Variants in GFUS observed in about 807,000 individuals in gnomAD.
GFUS encodes the protein 3-5 epimerase/4-reductase.
In GFUS, 42 loss-of-function variants were observed where a neutral mutation model predicts 41.5. The observed-to-expected ratio is 1.01, with a 90% CI of 0.79 to 1.31. The LOEUF (loss-of-function observed/expected upper bound fraction) is 1.31, where lower values mean the gene tolerates loss of function less well. Among genes scored for constraint, GFUS ranks in the 50% most tolerant of loss-of-function variants. The pLI is 0.00. For missense variants in GFUS, 437 were observed against 428.7 expected (o/e 1.02, Z -0.17); for synonymous variants, 188 against 173.4 (o/e 1.08, Z -0.66).
At position 143,614,929 on chromosome 8, in the gene GFUS, G is replaced by A. The variant is rs375695968; in HGVS notation, c.262-14C>T. Reference sequence around the variant, plus strand: ...CACGTTTTTCCTCTGCAGGGGTGAGGCGGGGACAGTTCAGGCTCCCCAGGC... The same window carrying A: ...CACGTTTTTCCTCTGCAGGGGTGAGACGGGGACAGTTCAGGCTCCCCAGGC... On this transcript the variant is annotated splice_polypyrimidine_tract_variant and intron_variant, in intron 3 of 10. Transcript: ENST00000425753. 7 of 1,591,204 alleles carry A rather than the reference G, an allele frequency of 4.4e-6. No individual in the cohort carries two copies. In the African/African-American group the frequency reaches 8.0e-5, roughly 18 times the overall value.
intron 7 of GFUS, 59 bp from the exon 8 acceptor site, chr8:143,613,876 C>T (rs1285878516): frequency 4.6e-6 from 7 of 1,526,676 alleles, no homozygotes; most frequent in Non-Finnish European, 5.3e-6. Flanking sequence ...CTCCCAAACG[C>T]CCCTGCTGGG....
rs1161109024 is a variant in GFUS, at chr8:143,614,791, G to T, written c.386C>A (p.Thr129Asn). The T allele has an allele frequency of 6.2e-7, 1 of 1,613,668 alleles. No homozygotes were observed. The highest frequency in any genetic ancestry group is 1.7e-5 in the Admixed American group (1 of 60,024). ...PDKTTYPIDE[T>N]MIHNGPPHNS... Reference sequence around the variant, plus strand: ...CAGCCAGGCCCTGCCCCTCACCATGGTCTCATCTATCGGGTAGGTCGTCTT... The same window carrying T: ...CAGCCAGGCCCTGCCCCTCACCATGTTCTCATCTATCGGGTAGGTCGTCTT... The change falls in exon 4 of 11, where the codon ACC becomes AAC. Residue 129 changes from threonine (T) to asparagine (N), a missense_variant. Thr to Asn is a moderately conservative substitution (Grantham distance 65, BLOSUM62 0). Transcript: ENST00000425753.
At position 143,614,800 on chromosome 8, in the gene GFUS, A is replaced by G. The variant is rs533181475; in HGVS notation, c.377T>C (p.Ile126Thr). ...CIFPDKTTYP[I>T]DETMIHNGPP... ...CCTGCCCCTCACCATGGTCTCATCT[A>G]TCGGGTAGGTCGTCTTGTCAGGGAA... Residue 126 changes from isoleucine (I) to threonine (T), a missense_variant, in exon 4 of 11, where the codon ATA (isoleucine) becomes ACA (threonine). Transcript: ENST00000425753. The G allele has an allele frequency of 1.8e-5, 29 of 1,613,516 alleles. No homozygotes were observed. Among genetic ancestry groups the G allele is most frequent in the Middle Eastern group, 3.3e-4 (2 of 6,062 alleles).
In GFUS at chr8:143,613,347, C is replaced by T. The variant is rs367952261; in HGVS notation, c.811-52G>A. 273 of 1,574,084 alleles carry T rather than the reference C, an allele frequency of 1.7e-4. No individual in the cohort carries two copies. The African/African-American group carries it at 3.1e-3, about 18-fold the overall frequency. Reference sequence around the variant, plus strand: ...AGAAGAGCACCTCCACCCCAGCCCCCGCAGCTTGCCCTTGAACCTCTGCCA... The same window carrying T: ...AGAAGAGCACCTCCACCCCAGCCCCTGCAGCTTGCCCTTGAACCTCTGCCA... On this transcript the variant is annotated intron_variant, in intron 9 of 10. Coordinates refer to ENST00000425753, the MANE Select transcript of GFUS (RefSeq NM_003313.4).
At chr8:143,614,552 G>A (rs2131414185) in intron 5 of GFUS, 72 bp downstream of exon 5, 2 of 1,557,478 alleles carry the variant, frequency 1.3e-6, no homozygotes, top group South Asian at 2.4e-5. Flanking sequence ...GACCCGACCA[G>A]CCGGCCCCAC....
Position 143,614,206 on chromosome 8 carries a change from C to G in GFUS, c.621G>C (p.Val207=), listed in dbSNP as rs150994666. The G allele has an allele frequency of 6.2e-7, 1 of 1,613,508 alleles. No individual in the cohort carries two copies. The highest frequency in any genetic ancestry group is 1.3e-5 in the African/African-American group (1 of 74,946). ...LAKSSGSALT[V]WGTGNPRRQF... is the part of the protein sequence containing the mutation. ...GCCTCCGCGGATTCCCTGTACCCCA[C>G]ACCGTCAGGGCCGAGCCGCTGCCTG... Residue 207 remains valine, a synonymous_variant, in exon 7 of 11, where the codon GTG becomes GTC. Transcript: ENST00000425753.
In GFUS at chr8:143,616,673, C is replaced by A; in HGVS notation, c.40G>T (p.Gly14Trp). The A allele has an allele frequency of 1.9e-6, 3 of 1,613,624 alleles. No homozygotes were observed. The highest frequency in any genetic ancestry group is 2.5e-6 in the Non-Finnish European group (3 of 1,179,942). Residue 14 changes from glycine (G) to tryptophan (W), a missense_variant, in exon 2 of 11, where the codon GGG becomes TGG. Physicochemically the swap from Gly to Trp is radical, Grantham distance 184 (BLOSUM62 -2). Coordinates refer to ENST00000425753, the MANE Select transcript of GFUS (RefSeq NM_003313.4). Reference sequence around the variant, plus strand: ...GCTTTGCCTACCAGCCCAGAGCCCCCTGTCACTAGAATCCGCATGGATCCC... The same window carrying A: ...GCTTTGCCTACCAGCCCAGAGCCCCATGTCACTAGAATCCGCATGGATCCC... ...PQGSMRILVTGGSGLVGKAIQ... is the reference protein window; with the variant it reads ...PQGSMRILVTWGSGLVGKAIQ...
chr8:143,616,962 A>C, intron 1 of GFUS: 1 of 572,376 alleles, frequency 1.7e-6, no homozygotes, highest in Non-Finnish European at 3.1e-6. Flanking sequence ...GCTGGTCCCA[A>C]CCCACGACTC....
chr8:143,613,636 G>A, intron 8 of GFUS, 33 bp from the exon 9 acceptor site: 1 of 1,609,264 alleles, frequency 6.2e-7, no homozygotes, highest in Non-Finnish European at 8.5e-7. Flanking sequence ...GCCTCCCCTT[G>A]GTGCCACCCG....
At chr8:143,615,565 G>A (rs1391281985) in intron 3 of GFUS, among the ~76,000 whole-genome samples, 10 of 152,204 alleles carry the variant, frequency 6.6e-5, no homozygotes, top group African/African-American at 2.4e-4. Context: ...GCTTAGCAAA[G>A]CCAGCTAAGG....
At position 143,616,170 on chromosome 8, in the gene GFUS, A is replaced by C; in HGVS notation, c.197T>G (p.Val66Gly). 6.2e-7 allele frequency: 1 copy of C among 1,613,622 alleles called. No individual in the cohort carries two copies. Among genetic ancestry groups the C allele is most frequent in the Non-Finnish European group, 8.5e-7 (1 of 1,179,754 alleles). The change falls in exon 3 of 11, where the codon GTC (valine) becomes GGC (glycine). Residue 66 changes from valine to glycine, a missense_variant. Physicochemically the swap from Val to Gly is moderately radical, Grantham distance 109 (BLOSUM62 -3). Coordinates refer to ENST00000425753, the MANE Select transcript of GFUS (RefSeq NM_003313.4). The part of the protein sequence containing the change: ...ALFEKVQPTH[V>G]IHLAAMVGGL... ...CCCCACCATTGCAGCAAGATGGATG[A>C]CGTGTGTGGGTTGGACCTTCTCAAA...
In GFUS at chr8:143,616,623, T is replaced by C. The variant is rs755586079; in HGVS notation, c.90A>G (p.Gly30=). The C allele has an allele frequency of 1.6e-5, 26 of 1,613,650 alleles. No individual in the cohort carries two copies. Among genetic ancestry groups the C allele is most frequent in the Non-Finnish European group, 2.1e-5 (25 of 1,179,994 alleles). ...GKAIQKVVAD[G]AGLPGEDWVF... ...CCCAGTCCTCTCCAGGAAGTCCAGC[T>C]CCATCTGCTACCACCTTCTGGATGG... The change falls in exon 2 of 11, where the codon GGA becomes GGG. Residue 30 remains glycine, a synonymous_variant. Transcript: ENST00000425753.
In GFUS at chr8:143,613,268, A is replaced by C; in HGVS notation, c.838T>G (p.Phe280Val). 6.2e-7 allele frequency: 1 copy of C among 1,614,006 alleles called. No homozygotes were observed. Among genetic ancestry groups the C allele is most frequent in the Non-Finnish European group, 8.5e-7 (1 of 1,179,964 alleles). The change falls in exon 10 of 11, where the codon TTT becomes GTT. Residue 280 changes from phenylalanine to valine, a missense_variant. Phe to Val is a conservative substitution (Grantham distance 50, BLOSUM62 -1). Transcript: ENST00000425753. ...TFDTTKSDGQ[F>V]KKTASNSKLR... Reference sequence around the variant, plus strand: ...TTGCTGTTACTGGCTGTCTTCTTAAACTGCCCATCCGACTTGGTTGTATCA... The same window carrying C: ...TTGCTGTTACTGGCTGTCTTCTTAACCTGCCCATCCGACTTGGTTGTATCA...
intron 2 of GFUS, 95 bp downstream of exon 2, chr8:143,616,471 TG>T: frequency 6.3e-7 from 1 of 1,578,628 alleles, no homozygotes; most frequent in African/African-American, 1.3e-5. Context: ...ACACAGCTAC[TG>T]TTAGACTCAG....
Position 143,614,369 on chromosome 8 carries a change from C to T in GFUS, c.549G>A (p.Glu183=), listed in dbSNP as rs760054065. ...VFGPHDNFNI[E]DGHVLPGLIH... ...TGAGGCCAGGCAGCACGTGGCCATC[C>T]TCGATGTTGAAGTTGTCGTGGGGCC... Residue 183 remains glutamate, a synonymous_variant, in exon 6 of 11, where the codon GAG becomes GAA. Transcript: ENST00000425753. The T allele has an allele frequency of 6.2e-7, 1 of 1,613,946 alleles. No individual in the cohort carries two copies. Among genetic ancestry groups the T allele is most frequent in the Non-Finnish European group, 8.5e-7 (1 of 1,179,982 alleles).
intron 1 of GFUS, 171 bp from the exon 2 acceptor site, chr8:143,616,894 T>G (rs966992478): frequency 5.5e-5 from 42 of 764,188 alleles, no homozygotes; most frequent in Non-Finnish European, 8.5e-5. Flanking sequence ...CCTGTTCCCC[T>G]GGGAGCTCTC....
rs1829715188 is a variant in GFUS at position 143,616,012 on chromosome 8, G to A, written c.261+94C>T. On this transcript the variant is annotated intron_variant, in intron 3 of 10. Transcript: ENST00000425753. ...TGATCCTCAGGGACTTCCTGGGGTG[G>A]GAATGTGGGCCTGTGAGAGTGGGAA... The A allele has an allele frequency of 2.6e-5, 28 of 1,070,566 alleles. No individual in the cohort carries two copies. In the South Asian group the frequency reaches 4.1e-4, roughly 16 times the overall value. 66.3% of individuals were successfully genotyped at this position (1,070,566 alleles called of 1,614,324 possible).
intron 1 of GFUS, chr8:143,616,949 GCA>G: frequency 1.7e-6 from 1 of 593,732 alleles, no homozygotes; most frequent in Non-Finnish European, 3.0e-6. Context: ...CCAGCCCAGA[GCA>G]GCTGGTCCCA....
chr8:143,616,759 C>T (rs747447143), intron 1 of GFUS, 36 bp from the exon 2 acceptor site: 4 of 1,611,064 alleles, frequency 2.5e-6, no homozygotes, highest in Admixed American at 1.7e-5. Flanking sequence ...GAGGTCATCA[C>T]GCTCTCATCC....
Sources: allele counts gnomAD v4.1 joint callset (sites outside exome capture counted in the v4.1 genomes callset), GRCh38; gene constraint gnomAD v4.1.1; transcripts MANE v1.5; gene names NCBI Gene and HGNC (gene_info 2026-07-23, HGNC 2026-07-21).